Variants in IVNS1ABP observed in about 807,000 individuals in gnomAD.
IVNS1ABP encodes the protein influenza virus NS1A-binding protein.
A neutral mutation model predicts 78.9 loss-of-function variants in IVNS1ABP; 25 were observed. The ratio of observed to expected loss-of-function variants is 0.32; its 90% CI spans 0.23 to 0.44. The LOEUF is 0.44. Among genes scored for constraint, IVNS1ABP ranks in the 20% least tolerant of loss-of-function variants. The pLI, the probability that IVNS1ABP is intolerant of heterozygous loss-of-function variation, is 1.00. For missense variants in IVNS1ABP, 494 were observed against 768.9 expected, an observed-to-expected ratio of 0.64 and a Z score of 4.23; for synonymous variants, 241 against 259.7, an observed-to-expected ratio of 0.93 and a Z score of 0.69.
chr1:185,297,744 A>AG lies in IVNS1ABP; in HGVS notation c.*290dup. 1 of 399,016 alleles carries AG rather than the reference A, an allele frequency of 2.5e-6. No homozygotes were observed. Among genetic ancestry groups the AG allele is most frequent in the Non-Finnish European group, 4.5e-6 (1 of 222,078 alleles). The allele number at this position is 399,016 out of a possible 1,614,324, so 24.7% of individuals were successfully genotyped here. On this transcript the variant is annotated 3_prime_UTR_variant, in exon 15 of 15. Transcript: ENST00000367498. ...GTGCAAATTGGCAAAACAAATGTGG[A>AG]GGAGAGGGGACTTCTTGAAATGATG... is the stretch of plus-strand genomic sequence containing the variant.
At chr1:185,309,243 A>G (rs2102820815) in intron 3 of IVNS1ABP, 71 bp from the exon 4 acceptor site, 1 of 1,249,680 alleles carries the variant, frequency 8.0e-7, no homozygotes, top group African/African-American at 1.5e-5. Flanking sequence ...ACTATATCAG[A>G]TTCCTTTATC....
At chr1:185,307,770 A>T (rs1198301248) in intron 5 of IVNS1ABP, 108 bp from the exon 6 acceptor site, 1 of 1,272,318 alleles carries the variant, frequency 7.9e-7, no homozygotes, top group Non-Finnish European at 1.1e-6. Flanking sequence ...ATCAAAAATC[A>T]CTGTCTTAAT....
At chr1:185,310,288 AATG>A in intron 2 of IVNS1ABP, among the ~76,000 whole-genome samples, 1 of 152,300 alleles carries the variant, frequency 6.6e-6, no homozygotes, top group African/African-American at 2.4e-5. Flanking sequence ...ACAACTGACT[AATG>A]ACTACACAAA....
intron 13 of IVNS1ABP, 23 bp from the exon 14 acceptor site, chr1:185,299,906 A>G: frequency 6.2e-7 from 1 of 1,613,368 alleles, no homozygotes; most frequent in Non-Finnish European, 8.5e-7. Context: ...TCAAGTCAAG[A>G]TTATTGCTAC....
At chr1:185,316,772 C>A (rs1666044973) in intron 1 of IVNS1ABP, among the ~76,000 whole-genome samples, 181 bp downstream of exon 1, 1 of 152,170 alleles carries the variant, frequency 6.6e-6, no homozygotes, top group South Asian at 2.1e-4. Flanking sequence ...AGCGCGGGCC[C>A]AGCGCGGCGC....
chr1:185,307,428 G>T, intron 6 of IVNS1ABP, 61 bp downstream of exon 6: 1 of 1,307,548 alleles, frequency 7.6e-7, no homozygotes, highest in Non-Finnish European at 1.1e-6. Context: ...TTGAAACACA[G>T]ACCAAGATTC....
intron 1 of IVNS1ABP, among the ~76,000 whole-genome samples, chr1:185,316,005 G>C (rs888583925): frequency 6.6e-6 from 1 of 152,124 alleles, no homozygotes; most frequent in Non-Finnish European, 1.5e-5. Flanking sequence ...CTACCTATTG[G>C]GGGAAAAAGT....
At chr1:185,308,305 C>T (rs1159784316) in intron 5 of IVNS1ABP, among the ~76,000 whole-genome samples, 1 of 152,140 alleles carries the variant, frequency 6.6e-6, no homozygotes, top group Admixed American at 6.6e-5. Flanking sequence ...TGTAAATGAA[C>T]ACACATGGCT....
chr1:185,312,532 C>G (rs757206504), intron 1 of IVNS1ABP, among the ~76,000 whole-genome samples: 6 of 152,246 alleles, frequency 3.9e-5, no homozygotes, highest in Non-Finnish European at 7.3e-5. Flanking sequence ...AACAAACCTA[C>G]TATGTTTAGT....
At position 185,301,857 on chromosome 1, in the gene IVNS1ABP, A is replaced by G. The variant is rs1665610232; in HGVS notation, c.766-294T>C. The G allele has an allele frequency of 1.5e-5, 3 of 204,768 alleles. No homozygotes were observed. In the South Asian group the frequency reaches 4.0e-4, roughly 27 times the overall value. 12.7% of individuals were successfully genotyped at this position (204,768 alleles called of 1,614,324 possible). Reference sequence around the variant, plus strand: ...AAGACCTCAGCAGAAGAAAAAACCAATCTATAATTATTTTTATATTAAGTA... The same window carrying G: ...AAGACCTCAGCAGAAGAAAAAACCAGTCTATAATTATTTTTATATTAAGTA... On this transcript the variant is annotated intron_variant, in intron 8 of 14. Coordinates refer to ENST00000367498, the MANE Select transcript of IVNS1ABP (RefSeq NM_006469.5).
chr1:185,309,394 C>T lies in IVNS1ABP; in HGVS notation c.100G>A (p.Val34Ile). Residue 34 changes from valine (V) to isoleucine (I), a missense_variant, in exon 3 of 15, where the codon GTT (valine) becomes ATT (isoleucine). Transcript: ENST00000367498. Reference protein sequence around the residue: ...ALRKSGQFCDVRLQVCGHEML... With the variant: ...ALRKSGQFCDIRLQVCGHEML... ...TAAGTTTTAAATACCTGAAGTCGAA[C>T]ATCACAGAACTGGCCACTTTTCCTC... 1 of 1,584,248 alleles carries T rather than the reference C, an allele frequency of 6.3e-7. No homozygotes were observed. Among genetic ancestry groups the T allele is most frequent in the Non-Finnish European group, 8.6e-7 (1 of 1,166,944 alleles).
chr1:185,299,442 T>C (rs972346985), intron 14 of IVNS1ABP: 16 of 462,176 alleles, frequency 3.5e-5, no homozygotes, highest in Non-Finnish European at 5.5e-5. Context: ...GCATTAAGGA[T>C]ATGTTTTATA....
chr1:185,298,098 C>G lies in IVNS1ABP; in HGVS notation c.1866G>C (p.Thr622=), dbSNP rs74132213. ...TTGACTCAAGGTTATAGACTTCCAC[C>G]GTATTCAGAAATTCATTGCCATCGA... ...GGFDGNEFLN[T]VEVYNLESNE... is the part of the protein sequence containing the mutation. The change falls in exon 15 of 15, where the codon ACG becomes ACC. Residue 622 remains threonine, a synonymous_variant. Coordinates refer to ENST00000367498, the MANE Select transcript of IVNS1ABP (RefSeq NM_006469.5). The surrounding 1 kb of genome is among the most constrained non-coding windows in gnomAD (Gnocchi z 4.1). The G allele has an allele frequency of 1.2e-6, 2 of 1,613,510 alleles. No homozygotes were observed. Among genetic ancestry groups the G allele is most frequent in the African/African-American group, 2.7e-5 (2 of 74,868 alleles).
At chr1:185,314,211 A>G (rs896492217) in intron 1 of IVNS1ABP, among the ~76,000 whole-genome samples, 1 of 152,278 alleles carries the variant, frequency 6.6e-6, no homozygotes, top group Non-Finnish European at 1.5e-5. Flanking sequence ...AACCACCATC[A>G]CCATCCATGT....
At position 185,307,566 on chromosome 1, in the gene IVNS1ABP, T is replaced by C; in HGVS notation, c.454A>G (p.Lys152Glu). ...SCMGDSRLLNKVDAYIQEHLL... is the reference protein window; with the variant it reads ...SCMGDSRLLNEVDAYIQEHLL... ...TGCTCCTGAATATAAGCATCAACCT[T>C]ATTCAACAAACGGGAGTCTCCCATA... The change falls in exon 6 of 15, where the codon AAG becomes GAG. Residue 152 changes from lysine (K) to glutamate (E), a missense_variant. Transcript: ENST00000367498. 1 of 1,613,670 alleles carries C rather than the reference T, an allele frequency of 6.2e-7. No homozygotes were observed. Among genetic ancestry groups the C allele is most frequent in the Non-Finnish European group, 8.5e-7 (1 of 1,179,716 alleles).
rs1376179807 is a variant in IVNS1ABP at position 185,298,628 on chromosome 1, TA to T, written c.1676-341del. 1.4e-4 allele frequency: 43 copies of T among 307,370 alleles called. 1 individual carries two copies. In the East Asian group the frequency reaches 2.7e-3, roughly 19 times the overall value. 19.0% of individuals were successfully genotyped at this position (307,370 alleles called of 1,614,324 possible). A position where few individuals can be genotyped will look rare whatever the true frequency, so the allele number is the denominator to read the frequency against. Reference sequence around the variant, plus strand: ...GAAAAGCAGGAAGAAGCTGGACAATTATCCTACAGATGCAGCTACTAAGTAG... The same window carrying T: ...GAAAAGCAGGAAGAAGCTGGACAATTTCCTACAGATGCAGCTACTAAGTAG... On this transcript the variant is annotated intron_variant, in intron 14 of 14. Coordinates refer to ENST00000367498, the MANE Select transcript of IVNS1ABP (RefSeq NM_006469.5). The surrounding 1 kb of genome is among the most constrained non-coding windows in gnomAD (Gnocchi z 4.1).
intron 13 of IVNS1ABP, 51 bp from the exon 14 acceptor site, chr1:185,299,934 T>G: frequency 6.2e-7 from 1 of 1,611,892 alleles, no homozygotes. Flanking sequence ...AGACTCTAAG[T>G]GTATACTACA....
intron 1 of IVNS1ABP, among the ~76,000 whole-genome samples, chr1:185,314,112 G>T (rs1665953164): frequency 6.6e-6 from 1 of 152,122 alleles, no homozygotes; most frequent in Non-Finnish European, 1.5e-5. Flanking sequence ...GCCATCAGCT[G>T]CATTTTTAAA....
chr1:185,313,993 TA>T (rs1000379743), intron 1 of IVNS1ABP, among the ~76,000 whole-genome samples: 6 of 152,192 alleles, frequency 3.9e-5, no homozygotes, highest in African/African-American at 1.4e-4. Flanking sequence ...AAAGAGTTGT[TA>T]AAAAGGTAGG....
Sources: gnomAD v4.1 joint callset for allele counts (sites outside exome capture counted in the v4.1 genomes callset) on GRCh38, gnomAD v4.1.1 for gene constraint, Gnocchi (gnomAD v3.1) non-coding constraint, MANE v1.5 for transcripts, NCBI Gene and HGNC (gene_info 2026-07-23, HGNC 2026-07-21) for gene names.